Variants in ZNF268 observed in about 807,000 individuals in gnomAD.
ZNF268 encodes zinc finger protein 268, also known as zinc finger protein 3.
In ZNF268, 20 loss-of-function variants were observed where a neutral mutation model predicts 29.3. That is an observed-to-expected ratio of 0.68 (90% CI 0.48 to 0.99). ZNF268 has a LOEUF of 0.99. ZNF268 is among the 50% of genes least tolerant of loss of function. The pLI, the probability that ZNF268 is intolerant of heterozygous loss-of-function variation, is 0.00. For synonymous variants in ZNF268, 429 were observed against 376.9 expected, an observed-to-expected ratio of 1.14 and a Z score of -1.60; for missense variants, 1,240 against 1,121.6, an observed-to-expected ratio of 1.11 and a Z score of -1.51.
chr12:133,204,245 A>G lies in ZNF268; in HGVS notation c.2559A>G (p.Val853=), dbSNP rs916079561. 17 of 1,545,214 alleles carry G rather than the reference A, an allele frequency of 1.1e-5. No individual in the cohort carries two copies. Among genetic ancestry groups the G allele is most frequent in the Admixed American group, 2.0e-5 (1 of 51,236 alleles). Residue 853 remains valine, a synonymous_variant, in exon 6 of 6, where the codon GTA becomes GTG. Transcript: ENST00000536435. Reference sequence around the variant, plus strand: ...TCAGTGGGAAATTACGCCTTCTTGTACACCAGAGAATGCACACAAGAGAGA... The same window carrying G: ...TCAGTGGGAAATTACGCCTTCTTGTGCACCAGAGAATGCACACAAGAGAGA... ...KSFSGKLRLL[V]HQRMHTREKP...
intron 3 of ZNF268, 38 bp downstream of exon 3, chr12:133,188,110 A>G (rs763646557): frequency 2.1e-6 from 3 of 1,431,312 alleles, no homozygotes; most frequent in Non-Finnish European, 2.8e-6. Flanking sequence ...TGTTTTCTTT[A>G]TTACCTTTTT....
Position 133,212,204 on chromosome 12 carries a change from T to C in ZNF268, c.*7674T>C, listed in dbSNP as rs529084193. On this transcript the variant is annotated 3_prime_UTR_variant, in exon 6 of 6. Transcript: ENST00000536435. ...CATATCTGTGATTGATGACGGTTTGTAGAGGGCAGGGAGTGAGTTAAATAG... is the reference window on the plus strand; with the variant it reads ...CATATCTGTGATTGATGACGGTTTGCAGAGGGCAGGGAGTGAGTTAAATAG... The C allele has an allele frequency of 6.6e-6, 1 of 152,124 alleles. No homozygotes were observed. The highest frequency in any genetic ancestry group is 2.4e-5 in the African/African-American group (1 of 41,488). 9.4% of individuals were successfully genotyped at this position (152,124 alleles called of 1,614,324 possible).
chr12:133,214,789 T>C lies in ZNF268; in HGVS notation c.*10259T>C, dbSNP rs147253305. 499 of 152,364 alleles carry C rather than the reference T, an allele frequency of 3.3e-3. 4 individuals carry two copies. The highest frequency in any genetic ancestry group is 0.012 in the African/African-American group (482 of 41,586). The allele number at this position is 152,364 out of a possible 1,614,324, so 9.4% of individuals were successfully genotyped here. On this transcript the variant is annotated 3_prime_UTR_variant, in exon 6 of 6. Transcript: ENST00000536435. ...TGTACATTTTTAAAAGTTAATTTTA[T>C]ATTGTGTAAATTTTACCTCAATAAA...
rs1186720097 is a variant in ZNF268 at position 133,203,391 on chromosome 12, T to A, written c.1705T>A (p.Tyr569Asn). 1 of 1,546,820 alleles carries A rather than the reference T, an allele frequency of 6.5e-7. No individual in the cohort carries two copies. The highest frequency in any genetic ancestry group is 1.4e-5 in the African/African-American group (1 of 73,044). ...HECGKAFSRKYQLISHQRTHA... is the reference protein window; with the variant it reads ...HECGKAFSRKNQLISHQRTHA... ...ATGTGGGAAAGCCTTCAGTCGGAAA[T>A]ACCAGCTTATTTCACACCAGAGAAC... Residue 569 changes from tyrosine (Y) to asparagine (N), a missense_variant, in exon 6 of 6, where the codon TAC becomes AAC. Around this residue, in one of 3 missense-constraint regions of ZNF268, gnomAD observed 1,177 missense variants for 1,039.6 expected, o/e 1.13. Coordinates refer to ENST00000536435, the MANE Select transcript of ZNF268 (RefSeq NM_003415.3).
intron 5 of ZNF268, among the ~76,000 whole-genome samples, chr12:133,200,363 T>A (rs1956722768): frequency 6.6e-6 from 1 of 152,212 alleles, no homozygotes; most frequent in Non-Finnish European, 1.5e-5. Context: ...AATCCTGAGT[T>A]CTAGTTTGAT....
At chr12:133,187,011 C>T (rs962274428) in intron 2 of ZNF268, among the ~76,000 whole-genome samples, 9 of 152,048 alleles carry the variant, frequency 5.9e-5, no homozygotes, top group African/African-American at 1.9e-4. Context: ...AGAGGTTGTT[C>T]GCTCCCTCTT....
rs191383294 is a variant in ZNF268 at position 133,205,160 on chromosome 12, A to T, written c.*630A>T. On this transcript the variant is annotated 3_prime_UTR_variant, in exon 6 of 6. Transcript: ENST00000536435. ...GCTTCATTCTAAAAAAAAAAAAAAA[A>T]AAAAAAAAAAAAACCAACCTGTTAT... is the stretch of plus-strand genomic sequence containing the variant. 7.9e-6 allele frequency: 1 copy of T among 126,058 alleles called. No individual in the cohort carries two copies. The highest frequency in any genetic ancestry group is 8.6e-5 in the Admixed American group (1 of 11,596). The allele number at this position is 126,058 out of a possible 1,614,324, so 7.8% of individuals were successfully genotyped here. A position where few individuals can be genotyped will look rare whatever the true frequency, so the allele number is the denominator to read the frequency against.
At chr12:133,196,024 A>C (rs1228589973) in intron 5 of ZNF268, among the ~76,000 whole-genome samples, 1 of 79,660 alleles carries the variant, frequency 1.3e-5, no homozygotes, top group Non-Finnish European at 2.7e-5. Context: ...CTGTCTCTTT[A>C]AAAAAAAAAA....
intron 5 of ZNF268, among the ~76,000 whole-genome samples, chr12:133,193,073 C>T: frequency 6.6e-6 from 1 of 152,314 alleles, no homozygotes; most frequent in Non-Finnish European, 1.5e-5. Flanking sequence ...TGCTGCATGA[C>T]CGAGCACTTT....
rs140020914 is a variant in ZNF268, at chr12:133,190,364, G to A, written c.235-1125G>A. ...ATGGTAAGACTGTTTAGATTTGTAA[G>A]AAGTTGCCAAACTGGCTTCCAAAGT... is the stretch of plus-strand genomic sequence containing the variant. On this transcript the variant is annotated intron_variant, in intron 3 of 5. Coordinates refer to ENST00000536435, the MANE Select transcript of ZNF268 (RefSeq NM_003415.3). 4.1e-4 allele frequency among the ~76,000 whole-genome samples: 63 copies of A among 152,292 alleles called. No homozygotes were observed. The East Asian group carries it at 9.1e-3, about 22-fold the overall frequency.
chr12:133,186,641 G>A (rs1956324206), intron 2 of ZNF268, among the ~76,000 whole-genome samples: 1 of 152,038 alleles, frequency 6.6e-6, no homozygotes. Flanking sequence ...ACCTCTCAAA[G>A]TTCTGGGATT....
rs1252378765 is a variant in ZNF268 at position 133,206,801 on chromosome 12, C to T, written c.*2271C>T. The T allele has an allele frequency of 1.3e-5, 2 of 152,152 alleles. No homozygotes were observed. Among genetic ancestry groups the T allele is most frequent in the Non-Finnish European group, 2.9e-5 (2 of 68,038 alleles). 9.4% of individuals were successfully genotyped at this position (152,152 alleles called of 1,614,324 possible). On this transcript the variant is annotated 3_prime_UTR_variant, in exon 6 of 6. Coordinates refer to ENST00000536435, the MANE Select transcript of ZNF268 (RefSeq NM_003415.3). ...TTCACAGAAGGGAAGGGACATCTTA[C>T]ATAAACAAATAATCGCAGATACTTG...
At chr12:133,189,961 C>T (rs1229379441) in intron 3 of ZNF268, among the ~76,000 whole-genome samples, 2 of 151,616 alleles carry the variant, frequency 1.3e-5, no homozygotes, top group East Asian at 1.9e-4. Flanking sequence ...GCATGTGCCA[C>T]CATGCCCGGC....
chr12:133,181,860 C>T (rs1956184479), intron 1 of ZNF268, 86 bp from the exon 2 acceptor site: 6 of 822,980 alleles, frequency 7.3e-6, no homozygotes, highest in South Asian at 6.1e-5. Context: ...CCGAGAATGG[C>T]AGGCAGCCCT....
In ZNF268 at chr12:133,188,073, G is replaced by C. The variant is rs1372997353; in HGVS notation, c.234+1G>C. On this transcript the variant is annotated splice_donor_variant, in intron 3 of 5. Transcript: ENST00000536435. LOFTEE classifies it high-confidence loss of function. Reference sequence around the variant, plus strand: ...GCAGCCAAAAATCACCAAGTCCTGGGTGAGCTTCTCATTTGTTTATTCCTA... The same window carrying C: ...GCAGCCAAAAATCACCAAGTCCTGGCTGAGCTTCTCATTTGTTTATTCCTA... 2 of 1,579,738 alleles carry C rather than the reference G, an allele frequency of 1.3e-6. No individual in the cohort carries two copies. Among genetic ancestry groups the C allele is most frequent in the Non-Finnish European group, 1.7e-6 (2 of 1,162,478 alleles).
chr12:133,189,154 T>C (rs997765505), intron 3 of ZNF268, among the ~76,000 whole-genome samples: 1 of 152,108 alleles, frequency 6.6e-6, no homozygotes, highest in Non-Finnish European at 1.5e-5. Flanking sequence ...ATTTTAGATT[T>C]ATATGTAAGT....
In ZNF268 at chr12:133,206,965, T is replaced by G. The variant is rs551183093; in HGVS notation, c.*2435T>G. ...CTAGGGTTAGATTTTAGTTTGTTGT[T>G]TTTTCAGATGCAAATCTACATGCAG... On this transcript the variant is annotated 3_prime_UTR_variant, in exon 6 of 6. Coordinates refer to ENST00000536435, the MANE Select transcript of ZNF268 (RefSeq NM_003415.3). The G allele has an allele frequency of 6.6e-6, 1 of 152,336 alleles. No individual in the cohort carries two copies. The highest frequency in any genetic ancestry group is 1.9e-4 in the East Asian group (1 of 5,188). The allele number at this position is 152,336 out of a possible 1,614,324, so 9.4% of individuals were successfully genotyped here. A position where few individuals can be genotyped will look rare whatever the true frequency, so the allele number is the denominator to read the frequency against.
At position 133,210,423 on chromosome 12, in the gene ZNF268, G is replaced by T. The variant is rs1956960749; in HGVS notation, c.*5893G>T. 1.0e-5 allele frequency: 2 copies of T among 197,312 alleles called. No individual in the cohort carries two copies. Among genetic ancestry groups the T allele is most frequent in the South Asian group, 2.0e-4 (2 of 10,206 alleles). 12.2% of individuals were successfully genotyped at this position (197,312 alleles called of 1,614,324 possible). A position where few individuals can be genotyped will look rare whatever the true frequency, so the allele number is the denominator to read the frequency against. The stretch of plus-strand genomic sequence containing the variant: ...CTACCTCCCAGGGGTCCCCAGGTTG[G>T]TCCTGAGGAGAAGGAAGCTCAGAAC... On this transcript the variant is annotated 3_prime_UTR_variant, in exon 6 of 6. Transcript: ENST00000536435.
chr12:133,192,028 CTTCT>C, intron 5 of ZNF268, 25 bp downstream of exon 5: 1 of 1,570,996 alleles, frequency 6.4e-7, no homozygotes, highest in Non-Finnish European at 8.7e-7. Context: ...CAAATCTTTT[CTTCT>C]TTATTTAGAA....
Sources: allele counts gnomAD v4.1 joint callset (sites outside exome capture counted in the v4.1 genomes callset), GRCh38; gene constraint gnomAD v4.1.1; regional missense constraint gnomAD v4.1.1; transcripts MANE v1.5; gene names NCBI Gene and HGNC (gene_info 2026-07-23, HGNC 2026-07-21).